The following CLDN14 variants were observed in gnomAD, a reference collection of about 807,000 sequenced individuals.
The protein encoded by CLDN14 is claudin-14.
Under a neutral mutation model 2.1 loss-of-function variants are expected in CLDN14, and 2 were observed. The ratio of observed to expected loss-of-function variants is 0.96; its 90% confidence interval spans 0.39 to 3.01. The LOEUF (loss-of-function observed/expected upper bound fraction) is 3.01. CLDN14 is among the 30% of genes most tolerant of loss of function. The pLI, the probability that CLDN14 is intolerant of heterozygous loss-of-function variation, is 0.09. For missense variants in CLDN14, 298 were observed against 328.0 expected (o/e 0.91, Z 0.71); for synonymous variants, 136 against 154.4 (o/e 0.88, Z 0.88).
At position 36,544,457 on chromosome 21, in the gene CLDN14, C is replaced by G. The variant is rs150120917; in HGVS notation, c.-220+31954G>C. The stretch of plus-strand genomic sequence containing the variant: ...TTCTCCCAGGCCTCAGACAGTCATC[C>G]CTGCCTGCAGCTATTGACTGTTTGC... On this transcript the variant is annotated intron_variant, in intron 1 of 2. Coordinates refer to the CLDN14 transcript ENST00000342108. The surrounding 1 kb of genome is among the most constrained non-coding windows in gnomAD (Gnocchi z 4.1). Among the ~76,000 whole-genome samples, 1 of 152,156 alleles carries G rather than the reference C, an allele frequency of 6.6e-6. No homozygotes were observed. The highest frequency in any genetic ancestry group is 2.1e-4 in the South Asian group (1 of 4,826).
At chr21:36,518,075 T>TACAC (rs3030072) in intron 1 of CLDN14, among the ~76,000 whole-genome samples, 7,663 of 148,474 alleles carry the variant, frequency 0.052, 548 homozygotes, top group African/African-American at 0.17. Flanking sequence ...CTTACATACG[T>TACAC]ACACACACAC....
At chr21:36,548,544 T>A (rs1339589584) in intron 1 of CLDN14, among the ~76,000 whole-genome samples, 1 of 152,094 alleles carries the variant, frequency 6.6e-6, no homozygotes, top group African/African-American at 2.4e-5. Context: ...TGTGGGGGAA[T>A]GGGGTCTGGG....
intron 1 of CLDN14, among the ~76,000 whole-genome samples, chr21:36,523,557 G>A (rs9680377): frequency 0.052 from 7,957 of 151,706 alleles, 343 homozygotes; most frequent in African/African-American, 0.12. Context: ...GACCAACCTG[G>A]TCGACATGGC....
rs896521612 is a variant in CLDN14, at chr21:36,506,756, G to A, written c.-82+3607C>T. 4.6e-5 allele frequency among the ~76,000 whole-genome samples: 7 copies of A among 152,100 alleles called. No homozygotes were observed. The South Asian group carries it at 6.2e-4, about 14-fold the overall frequency. On this transcript the variant is annotated intron_variant, in intron 2 of 2. Coordinates refer to the CLDN14 transcript ENST00000342108. ...TTTTTAACTTCACACTCTTGTATGT[G>A]GTCTGACGTTTTAAAAAGCAAAATT...
intron 1 of CLDN14, among the ~76,000 whole-genome samples, chr21:36,472,263 A>C (rs1457233544): frequency 2.0e-5 from 3 of 151,906 alleles, no homozygotes; most frequent in Non-Finnish European, 4.4e-5. Flanking sequence ...GGTGCCAGGA[A>C]GAGGTCAGTT....
intron 1 of CLDN14, among the ~76,000 whole-genome samples, chr21:36,555,207 A>G (rs2087590274): frequency 6.6e-6 from 1 of 152,216 alleles, no homozygotes; most frequent in Non-Finnish European, 1.5e-5. Context: ...TTGCTTTTCT[A>G]GTATTTGGAG....
chr21:36,551,644 G>T lies in CLDN14; in HGVS notation c.-220+24767C>A, dbSNP rs1395223850. On this transcript the variant is annotated intron_variant, in intron 1 of 2. Coordinates refer to the CLDN14 transcript ENST00000342108. This position sits in a 1 kb window ranked among gnomAD's most constrained non-coding sequence, Gnocchi z 4.8. ...GGGTGGTGGGTAGAGGGATGACCCT[G>T]AGCCAGCCCTGTTGCAACAGCTCCT... 6.6e-6 allele frequency among the ~76,000 whole-genome samples: 1 copy of T among 152,174 alleles called. No individual in the cohort carries two copies. Among genetic ancestry groups the T allele is most frequent in the Non-Finnish European group, 1.5e-5 (1 of 68,034 alleles).
chr21:36,552,058 G>A (rs994474225), intron 1 of CLDN14, among the ~76,000 whole-genome samples: 68 of 152,204 alleles, frequency 4.5e-4, no homozygotes, highest in African/African-American at 1.5e-3. Flanking sequence ...CATCCACCCC[G>A]AAACATTTGC....
chr21:36,488,429 G>A (rs1678382512), intron 2 of CLDN14, among the ~76,000 whole-genome samples: 1 of 152,032 alleles, frequency 6.6e-6, no homozygotes, highest in Non-Finnish European at 1.5e-5. Flanking sequence ...GTGCCGCCAT[G>A]CCCAGCTAAT....
chr21:36,568,977 GTCT>G, intron 1 of CLDN14, among the ~76,000 whole-genome samples: 1 of 152,320 alleles, frequency 6.6e-6, no homozygotes, highest in Admixed American at 6.5e-5. Flanking sequence ...ATGCTCTGCT[GTCT>G]TATAGCCCTA....
chr21:36,465,503 C>G (rs1241084193), intron 1 of CLDN14, among the ~76,000 whole-genome samples: 2 of 152,250 alleles, frequency 1.3e-5, no homozygotes, highest in African/African-American at 2.4e-5. Context: ...TTACCAGCAG[C>G]TGCTACTGGC....
At chr21:36,463,517 G>A (rs1316085656) in intron 1 of CLDN14, among the ~76,000 whole-genome samples, 1 of 152,192 alleles carries the variant, frequency 6.6e-6, no homozygotes, top group Non-Finnish European at 1.5e-5. Context: ...TTTGAGACCA[G>A]CCTGGCCAAC....
intron 2 of CLDN14, among the ~76,000 whole-genome samples, chr21:36,509,594 TTTTA>T (rs953759773): frequency 6.6e-6 from 1 of 152,062 alleles, no homozygotes; most frequent in East Asian, 1.9e-4. Context: ...TGCTTTTATT[TTTTA>T]TTTATTTATT....
chr21:36,512,399 A>G (rs967735433), intron 1 of CLDN14, among the ~76,000 whole-genome samples: 1 of 152,228 alleles, frequency 6.6e-6, no homozygotes, highest in Non-Finnish European at 1.5e-5. Context: ...CTATTAATTG[A>G]CTTTCATTTT....
At chr21:36,485,838 G>C (rs568189823) in intron 2 of CLDN14, 10 of 496,576 alleles carry the variant, frequency 2.0e-5, no homozygotes, top group African/African-American at 2.0e-4. Flanking sequence ...GATGGGAAAT[G>C]AGAGGTTCCA....
intron 1 of CLDN14, among the ~76,000 whole-genome samples, chr21:36,520,432 T>A (rs973128589): frequency 2.0e-5 from 3 of 151,952 alleles, no homozygotes; most frequent in African/African-American, 7.3e-5. Flanking sequence ...ATCATGGGGG[T>A]GGTTTCCCTC....
intron 1 of CLDN14, among the ~76,000 whole-genome samples, chr21:36,546,998 C>G (rs1392053364): frequency 6.6e-6 from 1 of 152,198 alleles, no homozygotes; most frequent in East Asian, 1.9e-4. Context: ...CGATGCTGCT[C>G]AATGCCCTAC....
chr21:36,511,665 C>G lies in CLDN14; in HGVS notation c.-219-1165G>C, dbSNP rs112602257. Among the ~76,000 whole-genome samples the G allele has an allele frequency of 1.2e-4, 18 of 152,136 alleles. 1 individual carries two copies. Among genetic ancestry groups the G allele is most frequent in the African/African-American group, 4.3e-4 (18 of 41,490 alleles). On this transcript the variant is annotated intron_variant, in intron 1 of 2. Transcript: ENST00000342108. ...TGTGTTTCCTTTCTTTCCTCCTGTA[C>G]AATGGTAATTTTTTTCTTAGCTACT...
intron 1 of CLDN14, among the ~76,000 whole-genome samples, chr21:36,549,925 G>A (rs761571386): frequency 1.9e-4 from 29 of 152,332 alleles, no homozygotes; most frequent in Non-Finnish European, 1.5e-4. Context: ...GCCCATTCAT[G>A]TTACTGATTC....
Sources: gnomAD v4.1 joint callset for allele counts (sites outside exome capture counted in the v4.1 genomes callset) on GRCh38, gnomAD v4.1.1 for gene constraint, Gnocchi (gnomAD v3.1) non-coding constraint, MANE v1.5 for transcripts, NCBI Gene and HGNC (gene_info 2026-07-23, HGNC 2026-07-21) for gene names.